Variants in TEX36 observed in about 807,000 individuals in gnomAD.
TEX36 encodes testis-expressed protein 36.
In TEX36, 12 loss-of-function variants were observed where a neutral mutation model predicts 13.6. The ratio of observed to expected loss-of-function variants is 0.88; its 90% CI spans 0.56 to 1.43. TEX36 has a LOEUF of 1.43. Among genes scored for constraint, TEX36 ranks in the 40% most tolerant of loss-of-function variants. TEX36 has a pLI of 0.00. For missense variants in TEX36, 224 were observed against 228.3 expected, an observed-to-expected ratio of 0.98 and a Z score of 0.12; for synonymous variants, 93 against 83.0, an observed-to-expected ratio of 1.12 and a Z score of -0.65.
At chr10:125,597,994 C>A (rs1846102394) in intron 3 of TEX36, among the ~76,000 whole-genome samples, 1 of 152,118 alleles carries the variant, frequency 6.6e-6, no homozygotes, top group Admixed American at 6.5e-5. Flanking sequence ...GATTATAGAG[C>A]TAGCTAGGTG....
At chr10:125,629,095 A>G (rs1476530846) in intron 3 of TEX36, among the ~76,000 whole-genome samples, 1 of 152,176 alleles carries the variant, frequency 6.6e-6, no homozygotes, top group East Asian at 1.9e-4. Flanking sequence ...GAATTTGTGC[A>G]GGGCAAATTG....
intron 1 of TEX36, among the ~76,000 whole-genome samples, chr10:125,675,948 T>C (rs1847303638): frequency 6.6e-6 from 1 of 152,258 alleles, no homozygotes; most frequent in African/African-American, 2.4e-5. Context: ...CTGGTATTGA[T>C]TTCTAGTTTT....
At chr10:125,677,143 T>G (rs1310920186) in intron 1 of TEX36, among the ~76,000 whole-genome samples, 1 of 152,226 alleles carries the variant, frequency 6.6e-6, no homozygotes, top group African/African-American at 2.4e-5. Flanking sequence ...TTCTGTATCT[T>G]TGACTTTAGA....
chr10:125,605,476 T>C (rs1489146657), intron 3 of TEX36, among the ~76,000 whole-genome samples: 6 of 151,946 alleles, frequency 3.9e-5, no homozygotes, highest in Non-Finnish European at 8.8e-5. Flanking sequence ...GGTCAGTTAA[T>C]CTCCATACAC....
rs557210789 is a variant in TEX36 at position 125,662,385 on chromosome 10, A to G, written c.52-408T>C. Among the ~76,000 whole-genome samples the G allele has an allele frequency of 1.1e-4, 16 of 152,302 alleles. No individual in the cohort carries two copies. In the South Asian group the frequency reaches 3.1e-3, roughly 30 times the overall value. The stretch of plus-strand genomic sequence containing the variant: ...CGTTTATGGAGATGAGCCAACCTCC[A>G]GCAATGTAGGTATGAGGTGGCCCTA... On this transcript the variant is annotated intron_variant, in intron 1 of 3. Coordinates refer to ENST00000368821, the MANE Select transcript of TEX36 (RefSeq NM_001128202.3).
At chr10:125,654,947 T>C (rs567989153), downstream of TEX36, among the ~76,000 whole-genome samples, 4 of 152,296 alleles carry the variant, frequency 2.6e-5, no homozygotes, top group Non-Finnish European at 4.4e-5. Flanking sequence ...CAGGGAAACA[T>C]GTATCCAGAG....
intron 3 of TEX36, among the ~76,000 whole-genome samples, chr10:125,601,151 T>C (rs555069609): frequency 6.6e-6 from 1 of 152,360 alleles, no homozygotes; most frequent in African/African-American, 2.4e-5. Context: ...CATCCTAATA[T>C]TTTTGGTTTA....
At chr10:125,605,996 A>G (rs1846211315) in intron 3 of TEX36, among the ~76,000 whole-genome samples, 2 of 152,188 alleles carry the variant, frequency 1.3e-5, no homozygotes, top group African/African-American at 4.8e-5. Context: ...TCAATGATGC[A>G]TTTAAGTCAT....
intron 3 of TEX36, among the ~76,000 whole-genome samples, chr10:125,625,224 C>T (rs1846473269): frequency 6.6e-6 from 1 of 152,226 alleles, no homozygotes; most frequent in African/African-American, 2.4e-5. Flanking sequence ...CTGCCTTATT[C>T]AGCCCTGGGT....
chr10:125,639,775 A>G (rs1020473221), intron 3 of TEX36, among the ~76,000 whole-genome samples: 2 of 152,258 alleles, frequency 1.3e-5, no homozygotes, highest in African/African-American at 4.8e-5. Context: ...AATGTCATAA[A>G]TATGAGGCAT....
intron 3 of TEX36, among the ~76,000 whole-genome samples, chr10:125,649,326 C>T (rs559633012): frequency 3.9e-5 from 6 of 152,286 alleles, no homozygotes; most frequent in African/African-American, 1.2e-4. Flanking sequence ...ACTCTACAAG[C>T]CAGAAGAGAG....
downstream of TEX36, among the ~76,000 whole-genome samples, chr10:125,620,188 T>G (rs1478207842): frequency 6.6e-6 from 1 of 152,170 alleles, no homozygotes; most frequent in African/African-American, 2.4e-5. Flanking sequence ...TGCTGAGATA[T>G]ACTACTACAT....
At chr10:125,600,655 G>A (rs114695140) in intron 3 of TEX36, among the ~76,000 whole-genome samples, 2,662 of 152,268 alleles carry the variant, frequency 0.017, 76 homozygotes, top group African/African-American at 0.059. Flanking sequence ...GATACCCCAG[G>A]GTCCCAATCA....
chr10:125,653,856 C>T (rs1846902306), downstream of TEX36, among the ~76,000 whole-genome samples: 1 of 151,920 alleles, frequency 6.6e-6, no homozygotes. Context: ...GTGGCATGCT[C>T]CTGTAGTTCT....
chr10:125,586,996 T>C (rs764686315), intron 3 of TEX36, among the ~76,000 whole-genome samples: 1 of 152,038 alleles, frequency 6.6e-6, no homozygotes, highest in African/African-American at 2.4e-5. Flanking sequence ...TGTTTAAAAG[T>C]GTGTAGTGTC....
chr10:125,621,677 T>C (rs1201424359), intron 3 of TEX36: 1 of 455,892 alleles, frequency 2.2e-6, no homozygotes, highest in Admixed American at 2.3e-5. Flanking sequence ...AGTAGCTCAG[T>C]TCAAGTCTGA....
intron 3 of TEX36, among the ~76,000 whole-genome samples, chr10:125,612,983 C>G (rs1176726133): frequency 6.6e-6 from 1 of 151,978 alleles, no homozygotes; most frequent in Non-Finnish European, 1.5e-5. Context: ...CCAGCCACCC[C>G]CACCAAAAGC....
intron 3 of TEX36, among the ~76,000 whole-genome samples, chr10:125,614,381 C>T (rs1234815068): frequency 6.6e-6 from 1 of 152,002 alleles, no homozygotes; most frequent in East Asian, 1.9e-4. Flanking sequence ...AATGGTAATG[C>T]GTAGGTTTTC....
chr10:125,584,642 A>C (rs1425786446), intron 3 of TEX36, among the ~76,000 whole-genome samples: 1 of 152,198 alleles, frequency 6.6e-6, no homozygotes, highest in African/African-American at 2.4e-5. Context: ...GGAATAGTGT[A>C]CTTGTAAAAA....
Sources: gnomAD v4.1 joint callset for allele counts (sites outside exome capture counted in the v4.1 genomes callset) on GRCh38, gnomAD v4.1.1 for gene constraint, MANE v1.5 for transcripts, NCBI Gene and HGNC (gene_info 2026-07-23, HGNC 2026-07-21) for gene names.